DNAJC1: variants seen among roughly 807,000 people sequenced by gnomAD.
DNAJC1 encodes dnaJ homolog subfamily C member 1.
In DNAJC1, 58 loss-of-function variants were observed where a neutral mutation model predicts 76.6. That is an observed-to-expected ratio of 0.76 (90% confidence interval 0.61 to 0.94). DNAJC1 has a LOEUF of 0.94. Ranked by LOEUF, DNAJC1 falls within the 40% of genes least tolerant of loss-of-function variation. The pLI is 0.00. For synonymous variants in DNAJC1, 258 were observed against 267.9 expected (o/e 0.96, Z 0.36); for missense variants, 689 against 677.3 (o/e 1.02, Z -0.19).
intron 8 of DNAJC1, among the ~76,000 whole-genome samples, chr10:21,839,423 C>T (rs1835531841): frequency 1.3e-5 from 2 of 152,230 alleles, no homozygotes; most frequent in African/African-American, 4.8e-5. Flanking sequence ...GGGGATATCA[C>T]CACTGATCCC....
chr10:21,833,965 T>C (rs372665176), intron 8 of DNAJC1, among the ~76,000 whole-genome samples: 1 of 152,026 alleles, frequency 6.6e-6, no homozygotes, highest in African/African-American at 2.4e-5. Flanking sequence ...AAATACTTTA[T>C]GAAAGAGGGG....
chr10:21,988,359 A>G (rs1443509876), intron 1 of DNAJC1, among the ~76,000 whole-genome samples: 2 of 152,120 alleles, frequency 1.3e-5, no homozygotes, highest in African/African-American at 4.8e-5. Context: ...TTAGATTAAC[A>G]ACTCAATATT....
At chr10:21,992,829 C>T (rs893673063) in intron 1 of DNAJC1, among the ~76,000 whole-genome samples, 5 of 152,210 alleles carry the variant, frequency 3.3e-5, no homozygotes, top group African/African-American at 1.2e-4. Flanking sequence ...TCTGTATCCT[C>T]TTCATACAGT....
At chr10:21,841,391 A>C (rs574412971) in intron 8 of DNAJC1, among the ~76,000 whole-genome samples, 130 of 152,330 alleles carry the variant, frequency 8.5e-4, no homozygotes, top group African/African-American at 3.0e-3. Flanking sequence ...CAATGAACTC[A>C]AACAAATTTA....
At chr10:21,883,251 A>AACACACACAC (rs3032395) in intron 7 of DNAJC1, among the ~76,000 whole-genome samples, 19,613 of 128,740 alleles carry the variant, frequency 0.15, 1,833 homozygotes, top group Admixed American at 0.21. Flanking sequence ...TTCTATCTCA[A>AACACACACAC]ACACACACAC....
At chr10:21,978,690 G>A (rs1241667512) in intron 1 of DNAJC1, among the ~76,000 whole-genome samples, 2 of 152,034 alleles carry the variant, frequency 1.3e-5, no homozygotes, top group African/African-American at 4.8e-5. Flanking sequence ...ATGAGTCACA[G>A]GAAAAAGAGG....
At chr10:21,787,096 G>A (rs1195735348) in intron 9 of DNAJC1, among the ~76,000 whole-genome samples, 1 of 152,170 alleles carries the variant, frequency 6.6e-6, no homozygotes, top group Non-Finnish European at 1.5e-5. Context: ...GGGAGGCTCA[G>A]GTGGGCAGAA....
chr10:21,820,638 G>A (rs950950617), intron 8 of DNAJC1, among the ~76,000 whole-genome samples: 2 of 152,144 alleles, frequency 1.3e-5, no homozygotes, highest in African/African-American at 2.4e-5. Flanking sequence ...GATCCCACAG[G>A]ACTCTGGGCC....
At chr10:21,780,896 G>T (rs572846624) in intron 9 of DNAJC1, among the ~76,000 whole-genome samples, 3 of 152,308 alleles carry the variant, frequency 2.0e-5, no homozygotes, top group African/African-American at 7.2e-5. Flanking sequence ...AAGAGATGGA[G>T]GAAGATCTAC....
At chr10:21,788,717 T>C (rs1834643703) in intron 9 of DNAJC1, among the ~76,000 whole-genome samples, 1 of 152,118 alleles carries the variant, frequency 6.6e-6, no homozygotes, top group African/African-American at 2.4e-5. Flanking sequence ...GTGCCTCACA[T>C]CCAGCGTCCT....
intron 1 of DNAJC1, among the ~76,000 whole-genome samples, chr10:21,981,040 C>G (rs972538981): frequency 2.6e-5 from 4 of 152,092 alleles, no homozygotes; most frequent in Non-Finnish European, 5.9e-5. Context: ...GATCAAGTCA[C>G]TCTCTGTTTC....
Position 21,759,278 on chromosome 10 carries a change from C to T in DNAJC1, c.1488G>A (p.Pro496=), listed in dbSNP as rs368149076. 131 of 1,614,106 alleles carry T rather than the reference C, an allele frequency of 8.1e-5. No individual in the cohort carries two copies. Among genetic ancestry groups the T allele is most frequent in the Non-Finnish European group, 1.0e-4 (123 of 1,180,036 alleles). Reference sequence around the variant, plus strand: ...GAAGTTTCTGTTGATTTTGAGTCCACGGCTCCTCTGCAGACCGAGCTCTCT... The same window carrying T: ...GAAGTTTCTGTTGATTTTGAGTCCATGGCTCCTCTGCAGACCGAGCTCTCT... ...RKERARSAEE[P]WTQNQQKLLE... is the part of the protein sequence containing the mutation. The change falls in exon 11 of 12, where the codon CCG becomes CCA. Residue 496 remains proline, a synonymous_variant. Coordinates refer to ENST00000376980, the MANE Select transcript of DNAJC1 (RefSeq NM_022365.4).
chr10:21,779,059 C>A (rs1454998556), intron 9 of DNAJC1, among the ~76,000 whole-genome samples: 1 of 152,176 alleles, frequency 6.6e-6, no homozygotes, highest in East Asian at 1.9e-4. Context: ...GGGGCGCCTG[C>A]CATTGCTGAG....
intron 1 of DNAJC1, among the ~76,000 whole-genome samples, chr10:21,978,459 A>T (rs1838100270): frequency 6.6e-6 from 1 of 152,196 alleles, no homozygotes; most frequent in South Asian, 2.1e-4. Context: ...CAATTTCTTA[A>T]GCTTGAAGTG....
At chr10:21,829,129 CAAGCG>C (rs1333396483) in intron 8 of DNAJC1, among the ~76,000 whole-genome samples, 1 of 151,864 alleles carries the variant, frequency 6.6e-6, no homozygotes, top group Non-Finnish European at 1.5e-5. Flanking sequence ...CTCCTGGGTG[CAAGCG>C]ATTCTCCTGC....
At chr10:21,885,499 C>T (rs1836355390) in intron 7 of DNAJC1, among the ~76,000 whole-genome samples, 1 of 152,060 alleles carries the variant, frequency 6.6e-6, no homozygotes. Context: ...TCTGATAGAT[C>T]TCTACAGAAC....
chr10:21,816,701 A>G (rs2131653493), intron 8 of DNAJC1, among the ~76,000 whole-genome samples: 1 of 150,434 alleles, frequency 6.6e-6, no homozygotes, highest in Middle Eastern at 3.4e-3. Flanking sequence ...GCCACCCACC[A>G]TGACCAGCTA....
chr10:21,968,186 A>G (rs1837921256), intron 1 of DNAJC1, among the ~76,000 whole-genome samples: 1 of 152,248 alleles, frequency 6.6e-6, no homozygotes, highest in Admixed American at 6.5e-5. Flanking sequence ...ACTTTCTCAA[A>G]GTAAAAGGAT....
chr10:21,958,819 TA>T (rs1361355321), intron 1 of DNAJC1, among the ~76,000 whole-genome samples: 3 of 152,236 alleles, frequency 2.0e-5, no homozygotes, highest in African/African-American at 7.2e-5. Context: ...AAAAAATCAC[TA>T]TTTTTTTTGC....
Sources: gnomAD v4.1 joint callset for allele counts (sites outside exome capture counted in the v4.1 genomes callset) on GRCh38, gnomAD v4.1.1 for gene constraint, MANE v1.5 for transcripts, NCBI Gene and HGNC (gene_info 2026-07-23, HGNC 2026-07-21) for gene names.